Variants in PKIG observed in about 807,000 individuals in gnomAD.
PKIG encodes the protein cAMP-dependent protein kinase inhibitor gamma.
PKIG carries 1 observed loss-of-function variant against 6.8 expected under a neutral mutation model. The observed-to-expected ratio is 0.15, with a 90% CI of 0.05 to 0.69. The LOEUF (loss-of-function observed/expected upper bound fraction) is 0.69. Among genes scored for constraint, PKIG ranks in the 30% least tolerant of loss-of-function variants. PKIG has a pLI of 0.82. For synonymous variants in PKIG, 39 were observed against 43.0 expected, an observed-to-expected ratio of 0.91 and a Z score of 0.36; for missense variants, 77 against 104.0, an observed-to-expected ratio of 0.74 and a Z score of 1.13.
At chr20:44,540,957 G>C (rs1395935452) in intron 1 of PKIG, among the ~76,000 whole-genome samples, 1 of 152,190 alleles carries the variant, frequency 6.6e-6, no homozygotes, top group Non-Finnish European at 1.5e-5. Context: ...ACCATTAAAG[G>C]AATGTAGGGC....
At position 44,553,165 on chromosome 20, in the gene PKIG, G is replaced by A. The variant is rs552785491; in HGVS notation, c.-241+21187G>A. On this transcript the variant is annotated intron_variant, in intron 1 of 4. Coordinates refer to the PKIG transcript ENST00000372887. ...CCTTGCAAGAGAGAGAATTTTTAGG[G>A]AATCAGTTGACTTACTTTTTTGTGA... 3.9e-5 allele frequency among the ~76,000 whole-genome samples: 6 copies of A among 152,212 alleles called. No individual in the cohort carries two copies. In the South Asian group the frequency reaches 1.2e-3, roughly 32 times the overall value.
intron 1 of PKIG, among the ~76,000 whole-genome samples, chr20:44,545,232 G>A (rs1197023426): frequency 6.6e-6 from 1 of 152,002 alleles, no homozygotes; most frequent in African/African-American, 2.4e-5. Flanking sequence ...CACTGCGCCT[G>A]CAATGCCCGG....
chr20:44,600,662 A>G (rs244095), intron 2 of PKIG, among the ~76,000 whole-genome samples: 11,030 of 151,972 alleles, frequency 0.073, 434 homozygotes, highest in South Asian at 0.15. Context: ...GCTGGGCAGC[A>G]TCGTAAGACC....
chr20:44,588,753 C>A (rs533718940), intron 1 of PKIG, among the ~76,000 whole-genome samples: 1 of 152,272 alleles, frequency 6.6e-6, no homozygotes, highest in South Asian at 2.1e-4. Flanking sequence ...AAAAATCTCA[C>A]TTATTTTCTG....
chr20:44,533,609 T>G (rs2064486989), intron 1 of PKIG, among the ~76,000 whole-genome samples: 1 of 151,814 alleles, frequency 6.6e-6, no homozygotes, highest in African/African-American at 2.4e-5. Flanking sequence ...AGTACATTCA[T>G]GGAGCCAAAA....
intron 1 of PKIG, among the ~76,000 whole-genome samples, chr20:44,541,753 G>A (rs2064563957): frequency 6.6e-6 from 1 of 150,444 alleles, no homozygotes; most frequent in South Asian, 2.1e-4. Context: ...GAGTGCAATG[G>A]ATCACGGCTC....
chr20:44,597,070 A>G (rs774107712), intron 2 of PKIG, among the ~76,000 whole-genome samples: 3 of 152,058 alleles, frequency 2.0e-5, no homozygotes, highest in Non-Finnish European at 4.4e-5. Flanking sequence ...AGTGGTTTCT[A>G]AACTCCTCTC....
chr20:44,583,455 A>AGGGG (rs2064964491), intron 1 of PKIG, among the ~76,000 whole-genome samples: 1 of 152,196 alleles, frequency 6.6e-6, no homozygotes, highest in Non-Finnish European at 1.5e-5. Flanking sequence ...AGAGGGAAAG[A>AGGGG]GGGGGCCCTT....
intron 2 of PKIG, among the ~76,000 whole-genome samples, chr20:44,607,259 G>A (rs2065171251): frequency 6.6e-6 from 1 of 151,766 alleles, no homozygotes; most frequent in African/African-American, 2.4e-5. Flanking sequence ...TGTTTTCAGT[G>A]TGTTGATGTA....
chr20:44,591,896 A>G (rs1016971204), intron 2 of PKIG, among the ~76,000 whole-genome samples: 3 of 152,170 alleles, frequency 2.0e-5, no homozygotes, highest in African/African-American at 7.2e-5. Context: ...GCTGCAGCTT[A>G]TCGCCTGGGA....
chr20:44,602,856 A>G (rs1181554113), intron 2 of PKIG, among the ~76,000 whole-genome samples: 2 of 151,562 alleles, frequency 1.3e-5, no homozygotes, highest in Non-Finnish European at 2.9e-5. Context: ...AAAAAAAAAA[A>G]GACTGGAAGA....
At chr20:44,591,509 C>T (rs1014793010) in intron 2 of PKIG, among the ~76,000 whole-genome samples, 3 of 151,718 alleles carry the variant, frequency 2.0e-5, no homozygotes, top group East Asian at 2.0e-4. Context: ...CTCTTCTTAG[C>T]GCCTGTGCTC....
intron 1 of PKIG, among the ~76,000 whole-genome samples, chr20:44,576,922 C>A (rs1331958451): frequency 6.6e-6 from 1 of 152,020 alleles, no homozygotes; most frequent in African/African-American, 2.4e-5. Flanking sequence ...TCAGACACAC[C>A]AAATCAGCAG....
chr20:44,587,718 A>AT (rs1346801379), intron 1 of PKIG, among the ~76,000 whole-genome samples: 1 of 152,156 alleles, frequency 6.6e-6, no homozygotes, highest in East Asian at 1.9e-4. Flanking sequence ...CTGTTTTTGA[A>AT]TAAGGGCCTG....
In PKIG at chr20:44,618,430, C is replaced by A; in HGVS notation, c.*66C>A. On this transcript the variant is annotated 3_prime_UTR_variant, in exon 4 of 4. Coordinates refer to ENST00000372886, the MANE Select transcript of PKIG (RefSeq NM_001281445.2). ...TCCCCTCCCAGAGGGGGAACCCTGG[C>A]ACTGGCCCAGCAGCCTCTTCTCTGA... The A allele has an allele frequency of 9.2e-7, 1 of 1,088,922 alleles. No individual in the cohort carries two copies. The highest frequency in any genetic ancestry group is 1.4e-6 in the Non-Finnish European group (1 of 702,726). The allele number at this position is 1,088,922 out of a possible 1,614,324, so 67.5% of individuals were successfully genotyped here.
intron 1 of PKIG, among the ~76,000 whole-genome samples, chr20:44,575,709 C>T (rs1427870500): frequency 6.6e-6 from 1 of 152,108 alleles, no homozygotes; most frequent in African/African-American, 2.4e-5. Context: ...TACTAGAAGC[C>T]CTCGATCAAT....
chr20:44,609,843 C>T (rs1437718185), intron 2 of PKIG, among the ~76,000 whole-genome samples: 2 of 152,212 alleles, frequency 1.3e-5, no homozygotes, highest in Non-Finnish European at 2.9e-5. Flanking sequence ...GGCTGTAAAC[C>T]GGCCTCACTC....
chr20:44,566,534 G>T (rs761443738), intron 1 of PKIG, among the ~76,000 whole-genome samples: 1 of 151,940 alleles, frequency 6.6e-6, no homozygotes, highest in Non-Finnish European at 1.5e-5. Context: ...ATTCTATACC[G>T]TTTCATGTTT....
chr20:44,574,865 C>T (rs192155119), intron 1 of PKIG, among the ~76,000 whole-genome samples: 1 of 152,318 alleles, frequency 6.6e-6, no homozygotes, highest in African/African-American at 2.4e-5. Context: ...CTACCGTGCC[C>T]AGCCTAGCAT....
Sources: allele counts gnomAD v4.1 joint callset (sites outside exome capture counted in the v4.1 genomes callset), GRCh38; gene constraint gnomAD v4.1.1; transcripts MANE v1.5; gene names NCBI Gene and HGNC (gene_info 2026-07-23, HGNC 2026-07-21).